Variants in TRAPPC9 observed in about 807,000 individuals in gnomAD.
TRAPPC9 encodes the protein trafficking protein particle complex subunit 9, also known as IKK2 binding protein.
In TRAPPC9, 83 loss-of-function variants were observed where a neutral mutation model predicts 124.0. The ratio of observed to expected loss-of-function variants is 0.67; its 90% confidence interval spans 0.56 to 0.80. The LOEUF (loss-of-function observed/expected upper bound fraction) is 0.80. Among genes scored for constraint, TRAPPC9 ranks in the 30% least tolerant of loss-of-function variants. The pLI, the probability that TRAPPC9 is intolerant of heterozygous loss-of-function variation, is 0.00. For missense variants in TRAPPC9, 1,302 were observed against 1,508.3 expected (o/e 0.86, Z 2.27); for synonymous variants, 638 against 617.5 (o/e 1.03, Z -0.49).
At chr8:139,961,692 C>T (rs1488393166) in intron 19 of TRAPPC9, among the ~76,000 whole-genome samples, 1 of 123,778 alleles carries the variant, frequency 8.1e-6, no homozygotes, top group Non-Finnish European at 1.9e-5. Context: ...TCAGGGGTGT[C>T]TGCTCCCACT....
chr8:139,963,181 T>C (rs545533286), intron 19 of TRAPPC9, among the ~76,000 whole-genome samples: 3 of 152,310 alleles, frequency 2.0e-5, no homozygotes, highest in South Asian at 4.1e-4. Context: ...GACCTTTGGA[T>C]ACAATACATA....
intron 17 of TRAPPC9, among the ~76,000 whole-genome samples, chr8:140,200,580 T>A (rs1454447627): frequency 6.6e-6 from 1 of 152,060 alleles, no homozygotes; most frequent in Non-Finnish European, 1.5e-5. Flanking sequence ...CGACTCCTTC[T>A]CACTATAAGG....
chr8:140,424,586 G>A (rs1242602579), intron 5 of TRAPPC9, among the ~76,000 whole-genome samples: 6 of 150,010 alleles, frequency 4.0e-5, no homozygotes, highest in Admixed American at 2.7e-4. Flanking sequence ...CTAGGATCGC[G>A]CCTGTGAATA....
chr8:140,349,870 A>G (rs1316500408), intron 9 of TRAPPC9, among the ~76,000 whole-genome samples: 1 of 152,232 alleles, frequency 6.6e-6, no homozygotes, highest in Non-Finnish European at 1.5e-5. Context: ...CAACGGTAGC[A>G]CAGGGTGTCA....
At position 140,283,785 on chromosome 8, in the gene TRAPPC9, G is replaced by C; in HGVS notation, c.2114+104C>G. On this transcript the variant is annotated intron_variant, in intron 14 of 22. Coordinates refer to ENST00000438773, the MANE Select transcript of TRAPPC9 (RefSeq NM_001160372.4). ...ACAGAAATCCTTCACCTATATTCTG[G>C]TCATAAGAATTACAGGCTCTTTGTG... 6 of 1,242,962 alleles carry C rather than the reference G, an allele frequency of 4.8e-6. No individual in the cohort carries two copies. In the South Asian group the frequency reaches 4.9e-5, roughly 10 times the overall value. 77.0% of individuals were successfully genotyped at this position (1,242,962 alleles called of 1,614,324 possible).
intron 7 of TRAPPC9, among the ~76,000 whole-genome samples, chr8:140,378,474 C>T (rs1385521766): frequency 6.6e-6 from 1 of 152,186 alleles, no homozygotes; most frequent in Non-Finnish European, 1.5e-5. Context: ...CCAAGTTCTT[C>T]ATTTTTGAGA....
chr8:139,992,227 C>G (rs186861797), intron 18 of TRAPPC9, among the ~76,000 whole-genome samples: 236 of 152,080 alleles, frequency 1.6e-3, no homozygotes, highest in Non-Finnish European at 2.3e-3. Flanking sequence ...AAAATATATG[C>G]ACGATATTTA....
At chr8:140,442,386 T>C (rs548513640) in intron 2 of TRAPPC9, among the ~76,000 whole-genome samples, 1 of 151,950 alleles carries the variant, frequency 6.6e-6, no homozygotes, top group South Asian at 2.1e-4. Flanking sequence ...GATCACAAGG[T>C]CAGGAGATTG....
chr8:140,162,531 AAATG>A, intron 17 of TRAPPC9, among the ~76,000 whole-genome samples: 1 of 152,382 alleles, frequency 6.6e-6, no homozygotes, highest in South Asian at 2.1e-4. Flanking sequence ...AGTATTAAAT[AAATG>A]AATGAAAGAT....
intron 21 of TRAPPC9, among the ~76,000 whole-genome samples, chr8:139,838,725 G>A (rs1365713829): frequency 6.6e-6 from 1 of 152,202 alleles, no homozygotes; most frequent in Admixed American, 6.5e-5. Flanking sequence ...GCAGCCTCAT[G>A]GAACACTCTT....
chr8:140,180,679 ATT>A (rs11292362), intron 17 of TRAPPC9, among the ~76,000 whole-genome samples: 5,610 of 138,088 alleles, frequency 0.041, 278 homozygotes, highest in African/African-American at 0.12. Flanking sequence ...GTTAACAGCT[ATT>A]TTTTTTTTTT....
intron 17 of TRAPPC9, among the ~76,000 whole-genome samples, chr8:140,167,156 A>C (rs770589521): frequency 1.3e-5 from 2 of 152,180 alleles, no homozygotes; most frequent in African/African-American, 2.4e-5. Context: ...AAAAAAAAAA[A>C]AAACTTGTTA....
At chr8:139,784,816 C>CA (rs1425543882) in intron 21 of TRAPPC9, among the ~76,000 whole-genome samples, 1 of 151,438 alleles carries the variant, frequency 6.6e-6, no homozygotes, top group East Asian at 1.9e-4. Flanking sequence ...ATAGACGGCT[C>CA]AAAAAAATGA....
chr8:140,452,535 A>G (rs2071502490), intron 1 of TRAPPC9, among the ~76,000 whole-genome samples: 1 of 152,092 alleles, frequency 6.6e-6, no homozygotes, highest in Admixed American at 6.6e-5. Context: ...ACATAAAAGG[A>G]GAGATTACAC....
At chr8:140,021,155 T>C (rs769251572) in intron 18 of TRAPPC9, among the ~76,000 whole-genome samples, 40 of 152,350 alleles carry the variant, frequency 2.6e-4, no homozygotes, top group South Asian at 2.1e-4. Context: ...CTGTTTCCTA[T>C]TTGACTGTAC....
intron 17 of TRAPPC9, among the ~76,000 whole-genome samples, chr8:140,124,704 G>GGGGGATGACCCTCCGA (rs1739791007): frequency 7.0e-6 from 1 of 143,222 alleles, no homozygotes; most frequent in African/African-American, 2.9e-5. Flanking sequence ...AGACCCTCGC[G>GGGGGATGACCCTCCGA]GGGGAGGACC....
intron 21 of TRAPPC9, among the ~76,000 whole-genome samples, chr8:139,833,469 C>A (rs1826117413): frequency 6.6e-6 from 1 of 152,238 alleles, no homozygotes; most frequent in Admixed American, 6.5e-5. Context: ...TCTGCTCTGG[C>A]AATGGAAGGA....
Position 140,448,882 on chromosome 8 carries a change from G to A in TRAPPC9, c.584+1908C>T, listed in dbSNP as rs529331357. Among the ~76,000 whole-genome samples the A allele has an allele frequency of 8.5e-5, 13 of 152,292 alleles. No individual in the cohort carries two copies. The East Asian group carries it at 1.2e-3, about 14-fold the overall frequency. On this transcript the variant is annotated intron_variant, in intron 2 of 22. Coordinates refer to ENST00000438773, the MANE Select transcript of TRAPPC9 (RefSeq NM_001160372.4). ...CAGCTCTGCTGCTTGGTGGCTGCCCGGGTCTCTAAACCTTGCTGCCTCAGC... is the reference window on the plus strand; with the variant it reads ...CAGCTCTGCTGCTTGGTGGCTGCCCAGGTCTCTAAACCTTGCTGCCTCAGC...
At chr8:140,077,025 G>T (rs1049337397) in intron 17 of TRAPPC9, among the ~76,000 whole-genome samples, 1 of 151,958 alleles carries the variant, frequency 6.6e-6, no homozygotes, top group African/African-American at 2.4e-5. Context: ...TATTAGCTGC[G>T]CATGGTAGCA....
Sources: gnomAD v4.1 joint callset for allele counts (sites outside exome capture counted in the v4.1 genomes callset) on GRCh38, gnomAD v4.1.1 for gene constraint, MANE v1.5 for transcripts, NCBI Gene and HGNC (gene_info 2026-07-23, HGNC 2026-07-21) for gene names.